Variants in MGAT5 observed in about 807,000 individuals in gnomAD.
MGAT5 encodes alpha-1,6-mannosylglycoprotein 6-beta-N-acetylglucosaminyltransferase, also known as alpha-1,6-mannosylglycoprotein 6-beta-N-acetylglucosaminyltransferase A.
MGAT5 carries 30 observed loss-of-function variants against 94.3 expected under a neutral mutation model. The observed-to-expected ratio is 0.32, with a 90% CI of 0.24 to 0.43. The LOEUF (loss-of-function observed/expected upper bound fraction) is 0.43, where lower values mean the gene tolerates loss of function less well. Among genes scored for constraint, MGAT5 ranks in the 20% least tolerant of loss-of-function variants. The pLI, the probability that MGAT5 is intolerant of heterozygous loss-of-function variation, is 1.00. For synonymous variants in MGAT5, 310 were observed against 322.9 expected (o/e 0.96, Z 0.43); for missense variants, 691 against 905.5 (o/e 0.76, Z 3.04).
chr2:134,175,294 C>G (rs1688408151), intron 1 of MGAT5, among the ~76,000 whole-genome samples: 1 of 152,222 alleles, frequency 6.6e-6, no homozygotes, highest in Non-Finnish European at 1.5e-5. Flanking sequence ...ACCTACCCCT[C>G]CATATTCCCT....
intron 1 of MGAT5, among the ~76,000 whole-genome samples, chr2:134,162,091 G>A (rs1346911251): frequency 6.6e-6 from 1 of 152,122 alleles, no homozygotes; most frequent in African/African-American, 2.4e-5. Flanking sequence ...TTGGGAGGCT[G>A]AGGCAGGAGA....
chr2:134,171,995 A>G (rs912284362), intron 1 of MGAT5, among the ~76,000 whole-genome samples: 1 of 152,300 alleles, frequency 6.6e-6, no homozygotes, highest in East Asian at 1.9e-4. Context: ...ATCTCTGGCT[A>G]TCTGGTGAAG....
At chr2:134,315,884 A>C (rs531844596) in intron 2 of MGAT5, among the ~76,000 whole-genome samples, 61 of 152,320 alleles carry the variant, frequency 4.0e-4, no homozygotes, top group African/African-American at 1.4e-3. Flanking sequence ...TTGAATCAAG[A>C]GGTCAAGAAT....
chr2:134,412,809 CGTCCTGCCTGATG>C (rs1346268631), intron 11 of MGAT5, 47 bp from the exon 12 acceptor site: 16 of 1,589,550 alleles, frequency 1.0e-5, no homozygotes, highest in Admixed American at 8.6e-5. Context: ...TAGGAATGCC[CGTCCTGCCTGATG>C]GTCCTGCCTG....
chr2:134,120,450 C>T (rs1685512175), intron 1 of MGAT5, among the ~76,000 whole-genome samples: 1 of 151,928 alleles, frequency 6.6e-6, no homozygotes, highest in African/African-American at 2.4e-5. Flanking sequence ...TCCGTCGCTC[C>T]TCTGCCGCCT....
At chr2:134,172,925 C>T (rs1688287059) in intron 1 of MGAT5, among the ~76,000 whole-genome samples, 1 of 152,098 alleles carries the variant, frequency 6.6e-6, no homozygotes, top group South Asian at 2.1e-4. Flanking sequence ...TTGTCTCTGA[C>T]AACATCACAG....
chr2:134,378,845 A>G (rs1681363087), intron 10 of MGAT5, among the ~76,000 whole-genome samples: 1 of 152,044 alleles, frequency 6.6e-6, no homozygotes, highest in Non-Finnish European at 1.5e-5. Context: ...CAAACTCCTG[A>G]CCTCAGGTGA....
chr2:134,196,588 G>T (rs972915393), intron 1 of MGAT5, among the ~76,000 whole-genome samples: 1 of 152,220 alleles, frequency 6.6e-6, no homozygotes, highest in Non-Finnish European at 1.5e-5. Flanking sequence ...TTCCCATAAG[G>T]TTCAACTCCT....
rs142458228 is a variant in MGAT5, at chr2:134,378,861, C to T, written c.1380+16453C>T. 3.0e-3 allele frequency among the ~76,000 whole-genome samples: 454 copies of T among 152,294 alleles called. 7 individuals carry two copies. The highest frequency in any genetic ancestry group is 0.01 in the African/African-American group (418 of 41,564). The stretch of plus-strand genomic sequence containing the variant: ...AAACTCCTGACCTCAGGTGATGCAC[C>T]TGCCTCAGTTTCCCAAAGTGCTGGG... On this transcript the variant is annotated intron_variant, in intron 10 of 15. Transcript: ENST00000281923.
At position 134,349,674 on chromosome 2, in the gene MGAT5, C is replaced by T. The variant is rs550128631; in HGVS notation, c.1113-131C>T. The stretch of plus-strand genomic sequence containing the variant: ...CAAGCTATTGTAAAACATCACAATT[C>T]TTGTCTGGTCCTGCTTCTATTTAAA... On this transcript the variant is annotated intron_variant, in intron 8 of 15. Coordinates refer to ENST00000281923, the MANE Select transcript of MGAT5 (RefSeq NM_002410.5). 64 of 998,650 alleles carry T rather than the reference C, an allele frequency of 6.4e-5. No individual in the cohort carries two copies. The African/African-American group carries it at 9.8e-4, about 15-fold the overall frequency. 61.9% of individuals were successfully genotyped at this position (998,650 alleles called of 1,614,324 possible). A position where few individuals can be genotyped will look rare whatever the true frequency, so the allele number is the denominator to read the frequency against.
At chr2:134,438,339 G>T (rs1042330581) in intron 14 of MGAT5, among the ~76,000 whole-genome samples, 1 of 152,146 alleles carries the variant, frequency 6.6e-6, no homozygotes, top group Admixed American at 6.5e-5. Flanking sequence ...TTTCAGATAA[G>T]GGATATTCAA....
At chr2:134,162,908 C>T (rs1320611069) in intron 1 of MGAT5, among the ~76,000 whole-genome samples, 1 of 152,064 alleles carries the variant, frequency 6.6e-6, no homozygotes, top group Non-Finnish European at 1.5e-5. Flanking sequence ...GTGGGATGAC[C>T]TTAGTGGTCT....
intron 1 of MGAT5, among the ~76,000 whole-genome samples, chr2:134,244,820 G>A (rs1262046805): frequency 6.6e-6 from 1 of 152,068 alleles, no homozygotes; most frequent in Non-Finnish European, 1.5e-5. Flanking sequence ...AGTTATAGAG[G>A]GTTATTGGAG....
intron 1 of MGAT5, among the ~76,000 whole-genome samples, chr2:134,123,975 C>A (rs745880936): frequency 6.6e-6 from 1 of 152,212 alleles, no homozygotes; most frequent in Non-Finnish European, 1.5e-5. Flanking sequence ...GTAATGATCT[C>A]TCCAACCCTT....
chr2:134,386,673 C>G (rs1016829871), intron 10 of MGAT5, among the ~76,000 whole-genome samples: 1 of 152,082 alleles, frequency 6.6e-6, no homozygotes, highest in Non-Finnish European at 1.5e-5. Flanking sequence ...CTGAGGCAGC[C>G]CCCTCTAAAG....
At chr2:134,177,144 C>CGTGTGTATGTGTGTGTGTGTGT (rs1553488518) in intron 1 of MGAT5, among the ~76,000 whole-genome samples, 18,055 of 142,556 alleles carry the variant, frequency 0.13, 1,243 homozygotes, top group Non-Finnish European at 0.16. Flanking sequence ...CAAATGAACC[C>CGTGTGTATGTGTGTGTGTGTGT]GTGTGTGTGT....
chr2:134,382,617 C>T (rs1403745251), intron 10 of MGAT5, among the ~76,000 whole-genome samples: 1 of 152,152 alleles, frequency 6.6e-6, no homozygotes, highest in Non-Finnish European at 1.5e-5. Context: ...AAGCCTGTAC[C>T]TCCCCAGCTA....
Position 134,434,162 on chromosome 2 carries a change from C to T in MGAT5, c.1869+5723C>T, listed in dbSNP as rs147608454. On this transcript the variant is annotated intron_variant, in intron 14 of 15. Coordinates refer to ENST00000281923, the MANE Select transcript of MGAT5 (RefSeq NM_002410.5). The stretch of plus-strand genomic sequence containing the variant: ...TGAACAAGCCAGTCCCGCTACCTGG[C>T]GCTTCTCCCAGGGAGCATTCTCCTC... Among the ~76,000 whole-genome samples the T allele has an allele frequency of 5.9e-5, 9 of 152,306 alleles. No individual in the cohort carries two copies. The East Asian group carries it at 1.5e-3, about 26-fold the overall frequency.
intron 10 of MGAT5, among the ~76,000 whole-genome samples, chr2:134,370,770 T>G (rs897036601): frequency 6.6e-6 from 1 of 152,188 alleles, no homozygotes; most frequent in African/African-American, 2.4e-5. Flanking sequence ...AGAGGAGAAA[T>G]AAAATGCAAA....
Sources: gnomAD v4.1 joint callset for allele counts (sites outside exome capture counted in the v4.1 genomes callset) on GRCh38, gnomAD v4.1.1 for gene constraint, MANE v1.5 for transcripts, NCBI Gene and HGNC (gene_info 2026-07-23, HGNC 2026-07-21) for gene names.